The following RIMS2 variants were observed in gnomAD, a reference collection of about 807,000 sequenced individuals.
RIMS2 encodes regulating synaptic membrane exocytosis protein 2.
In RIMS2, 59 loss-of-function variants were observed where a neutral mutation model predicts 174.4. The ratio of observed to expected loss-of-function variants is 0.34; its 90% CI spans 0.27 to 0.42. The LOEUF (loss-of-function observed/expected upper bound fraction) is 0.42, where lower values mean the gene tolerates loss of function less well. Among genes scored for constraint, RIMS2 ranks in the 10% least tolerant of loss-of-function variants. The probability of loss-of-function intolerance (pLI) is 1.00; values close to 1 mark genes in which losing one functional copy is unlikely to be tolerated. For missense variants in RIMS2, 1,620 were observed against 1,666.3 expected (o/e 0.97, Z 0.48); for synonymous variants, 606 against 572.5 (o/e 1.06, Z -0.84).
intron 19 of RIMS2, among the ~76,000 whole-genome samples, chr8:104,058,931 T>C (rs1444714678): frequency 6.6e-6 from 1 of 152,302 alleles, no homozygotes; most frequent in East Asian, 1.9e-4. Flanking sequence ...GGTCTATATC[T>C]CTGTTTTGGT....
chr8:103,607,135 G>A (rs1045198880), intron 1 of RIMS2, among the ~76,000 whole-genome samples: 5 of 152,200 alleles, frequency 3.3e-5, no homozygotes, highest in Middle Eastern at 3.4e-3. Flanking sequence ...TGCAGTGGCT[G>A]GTGCCGGTTG....
At chr8:103,698,816 G>A (rs1253737205) in intron 2 of RIMS2, among the ~76,000 whole-genome samples, 7 of 152,058 alleles carry the variant, frequency 4.6e-5, no homozygotes, top group African/African-American at 1.7e-4. Context: ...ATATTCATGA[G>A]GCATGTGTCT....
intron 19 of RIMS2, chr8:104,093,557 T>G: frequency 1.3e-6 from 2 of 1,597,566 alleles, no homozygotes; most frequent in Non-Finnish European, 1.7e-6. Flanking sequence ...TATCTGCGGT[T>G]TCAAGGACTA....
At chr8:103,943,757 T>G (rs1486441710) in intron 14 of RIMS2, among the ~76,000 whole-genome samples, 1 of 152,188 alleles carries the variant, frequency 6.6e-6, no homozygotes, top group Non-Finnish European at 1.5e-5. Flanking sequence ...CATACTGTTT[T>G]GCATAGTATT....
At chr8:103,821,630 C>G (rs1177185657) in intron 3 of RIMS2, among the ~76,000 whole-genome samples, 1 of 151,658 alleles carries the variant, frequency 6.6e-6, no homozygotes, top group Non-Finnish European at 1.5e-5. Context: ...TATGCTTCCA[C>G]ATATTTTAAT....
chr8:103,811,921 G>A (rs2098690104), intron 3 of RIMS2, among the ~76,000 whole-genome samples: 1 of 152,186 alleles, frequency 6.6e-6, no homozygotes, highest in African/African-American at 2.4e-5. Flanking sequence ...TTATGGTGTG[G>A]CTTCACACAT....
At chr8:103,620,009 C>T (rs1205593988) in intron 1 of RIMS2, among the ~76,000 whole-genome samples, 1 of 152,084 alleles carries the variant, frequency 6.6e-6, no homozygotes, top group African/African-American at 2.4e-5. Context: ...CTATAACAAA[C>T]AGACTAGTGT....
chr8:104,157,492 T>C (rs2098731836), intron 19 of RIMS2, among the ~76,000 whole-genome samples: 1 of 152,190 alleles, frequency 6.6e-6, no homozygotes, highest in Non-Finnish European at 1.5e-5. Flanking sequence ...CCACAATCCA[T>C]CTCCACAACT....
Position 103,886,240 on chromosome 8 carries a change from T to C in RIMS2, c.1624+17T>C. Reference sequence around the variant, plus strand: ...GTGAAAAAGGTAAGCTTTCTAATCATACATTTTGCTGTAATTGATTAGATA... The same window carrying C: ...GTGAAAAAGGTAAGCTTTCTAATCACACATTTTGCTGTAATTGATTAGATA... On this transcript the variant is annotated intron_variant, in intron 4 of 23. Coordinates refer to ENST00000504942, the Ensembl canonical transcript of RIMS2. 2 of 1,583,652 alleles carry C rather than the reference T, an allele frequency of 1.3e-6. No individual in the cohort carries two copies. Among genetic ancestry groups the C allele is most frequent in the Non-Finnish European group, 1.7e-6 (2 of 1,167,150 alleles).
chr8:103,795,169 A>C (rs1360973857), intron 3 of RIMS2, among the ~76,000 whole-genome samples: 1 of 152,244 alleles, frequency 6.6e-6, no homozygotes, highest in Non-Finnish European at 1.5e-5. Context: ...ACAATAGCAA[A>C]GACCTGGAAC....
chr8:103,792,124 C>T (rs974415025), intron 3 of RIMS2, among the ~76,000 whole-genome samples: 4 of 152,086 alleles, frequency 2.6e-5, no homozygotes, highest in Non-Finnish European at 4.4e-5. Flanking sequence ...ATACATTCTT[C>T]TCAGCACCAC....
intron 2 of RIMS2, among the ~76,000 whole-genome samples, chr8:103,717,073 C>T (rs17234986): frequency 0.066 from 9,843 of 149,964 alleles, 394 homozygotes; most frequent in South Asian, 0.088. Flanking sequence ...CAAGTTTTCC[C>T]ATTTCAAATT....
chr8:103,594,744 G>T (rs982595357), intron 1 of RIMS2, among the ~76,000 whole-genome samples: 7 of 151,728 alleles, frequency 4.6e-5, no homozygotes, highest in Admixed American at 4.6e-4. Context: ...CTAACCTCAA[G>T]ACAAAGAAAG....
Position 104,166,554 on chromosome 8 carries a change from AC to A in RIMS2, c.3335-78361del, listed in dbSNP as rs1169665826. On this transcript the variant is annotated intron_variant, in intron 19 of 23. Coordinates refer to ENST00000504942, the Ensembl canonical transcript of RIMS2. ...ATTTGACTAAAGTATTCATTTCCAA[AC>A]TTTTTATTTAAGCAAATGGAACCCA... 9.9e-5 allele frequency among the ~76,000 whole-genome samples: 15 copies of A among 152,210 alleles called. No individual in the cohort carries two copies. The South Asian group carries it at 1.7e-3, about 17-fold the overall frequency.
At chr8:103,949,726 A>G (rs925973673) in intron 14 of RIMS2, among the ~76,000 whole-genome samples, 10 of 152,164 alleles carry the variant, frequency 6.6e-5, no homozygotes, top group African/African-American at 2.4e-4. Flanking sequence ...TCACCTTAAC[A>G]AACGTCAAAA....
downstream of RIMS2, chr8:104,252,761 CAATTT>C (rs1339505338): frequency 6.6e-6 from 1 of 152,078 alleles, no homozygotes; most frequent in Non-Finnish European, 1.5e-5. Flanking sequence ...ATAATATATT[CAATTT>C]ATTTCCATGT....
At chr8:103,923,097 A>G (rs896435493) in intron 10 of RIMS2, among the ~76,000 whole-genome samples, 1 of 151,890 alleles carries the variant, frequency 6.6e-6, no homozygotes, top group South Asian at 2.1e-4. Context: ...TTATTCTTAC[A>G]TATATCGACA....
intron 3 of RIMS2, among the ~76,000 whole-genome samples, chr8:103,792,795 T>G (rs1456037533): frequency 6.6e-6 from 1 of 151,982 alleles, no homozygotes; most frequent in Non-Finnish European, 1.5e-5. Flanking sequence ...CAGAGAATAC[T>G]ATAAAGACCT....
intron 1 of RIMS2, among the ~76,000 whole-genome samples, chr8:103,643,742 TG>T (rs1253743260): frequency 2.0e-4 from 30 of 152,032 alleles, no homozygotes; most frequent in Admixed American, 2.0e-3. Context: ...ACTGATTTGG[TG>T]GTAAGTGTAG....
Sources: gnomAD v4.1 joint callset for allele counts (sites outside exome capture counted in the v4.1 genomes callset) on GRCh38, gnomAD v4.1.1 for gene constraint, MANE v1.5 for transcripts, NCBI Gene and HGNC (gene_info 2026-07-23, HGNC 2026-07-21) for gene names.